CDH13: variants seen among roughly 807,000 people sequenced by gnomAD.
The protein encoded by CDH13 is cadherin-13.
A neutral mutation model predicts 63.8 loss-of-function variants in CDH13; 24 were observed. That is an observed-to-expected ratio of 0.38 (90% CI 0.27 to 0.53). The LOEUF is 0.53. CDH13 is among the 20% of genes least tolerant of loss of function. CDH13 has a pLI of 0.85. For synonymous variants in CDH13, 503 were observed against 355.3 expected (o/e 1.42, Z -4.67); for missense variants, 1,049 against 903.1 (o/e 1.16, Z -2.07).
In CDH13 at chr16:83,363,352, A is replaced by C. The variant is rs532895961; in HGVS notation, c.781+18346A>C. On this transcript the variant is annotated intron_variant, in intron 6 of 13. Transcript: ENST00000567109. ...AAGCAGTATTTAAATATGTGTAAGC[A>C]CATATGTGAGTATGCATGTGTGCAA... Among the ~76,000 whole-genome samples the C allele has an allele frequency of 5.9e-5, 9 of 152,312 alleles. No individual in the cohort carries two copies. In the East Asian group the frequency reaches 1.4e-3, roughly 23 times the overall value.
At chr16:82,801,310 C>G (rs1230404462) in intron 1 of CDH13, among the ~76,000 whole-genome samples, 1 of 152,208 alleles carries the variant, frequency 6.6e-6, no homozygotes, top group African/African-American at 2.4e-5. Flanking sequence ...GAATCATTGT[C>G]CCCTTTGAAG....
At chr16:83,590,013 A>G (rs116034291) in intron 7 of CDH13, among the ~76,000 whole-genome samples, 1 of 152,186 alleles carries the variant, frequency 6.6e-6, no homozygotes, top group African/African-American at 2.4e-5. Context: ...CGGAGGAGTG[A>G]AAAAGCCTAA....
At chr16:83,620,014 C>A (rs113179157) in intron 8 of CDH13, among the ~76,000 whole-genome samples, 1 of 150,254 alleles carries the variant, frequency 6.7e-6, no homozygotes, top group Admixed American at 6.7e-5. Context: ...CTGGAGAGGG[C>A]GGGAGGGGCC....
intron 2 of CDH13, among the ~76,000 whole-genome samples, chr16:82,898,755 A>G (rs1472470168): frequency 6.6e-6 from 1 of 152,114 alleles, no homozygotes; most frequent in African/African-American, 2.4e-5. Context: ...TGAATGATGG[A>G]AGGGTGGAGT....
intron 7 of CDH13, among the ~76,000 whole-genome samples, chr16:83,569,658 T>C (rs762168522): frequency 8.5e-4 from 130 of 152,164 alleles, no homozygotes; most frequent in Non-Finnish European, 1.5e-3. Flanking sequence ...CACAAAGACA[T>C]AGGACATGGA....
chr16:83,727,918 A>G (rs984403193), intron 10 of CDH13, among the ~76,000 whole-genome samples: 32 of 152,244 alleles, frequency 2.1e-4, no homozygotes, highest in Non-Finnish European at 5.9e-5. Context: ...AGCTTTTGGG[A>G]TTCAAGGGTT....
At chr16:82,705,371 T>C (rs902822964) in intron 1 of CDH13, 1 of 306,598 alleles carries the variant, frequency 3.3e-6, no homozygotes, top group Non-Finnish European at 6.4e-6. Context: ...TTCAATACGC[T>C]AATACAGTGT....
intron 7 of CDH13, among the ~76,000 whole-genome samples, chr16:83,538,776 A>G (rs57672110): frequency 0.15 from 23,567 of 152,214 alleles, 2,325 homozygotes; most frequent in African/African-American, 0.29. Context: ...TTTTAAAGAC[A>G]TATTAAACTG....
At chr16:83,550,530 C>G (rs1277108696) in intron 7 of CDH13, among the ~76,000 whole-genome samples, 1 of 152,160 alleles carries the variant, frequency 6.6e-6, no homozygotes, top group Non-Finnish European at 1.5e-5. Flanking sequence ...TGGCAAATTC[C>G]GCTCATAATG....
intron 6 of CDH13, among the ~76,000 whole-genome samples, chr16:83,408,494 A>C (rs1462285844): frequency 6.6e-6 from 1 of 152,210 alleles, no homozygotes. Context: ...ACTGTAAACA[A>C]TTATAACACA....
At chr16:83,211,776 G>A (rs960225928) in intron 4 of CDH13, among the ~76,000 whole-genome samples, 3 of 151,804 alleles carry the variant, frequency 2.0e-5, no homozygotes, top group Non-Finnish European at 4.4e-5. Flanking sequence ...CAAACAGCCA[G>A]CCAGGAAGTC....
At chr16:82,789,808 C>G (rs1347896227) in intron 1 of CDH13, among the ~76,000 whole-genome samples, 1 of 152,180 alleles carries the variant, frequency 6.6e-6, no homozygotes, top group Non-Finnish European at 1.5e-5. Flanking sequence ...GCCTTCATGT[C>G]TCAGGTCCCA....
At chr16:83,250,603 C>T (rs952373547) in intron 5 of CDH13, among the ~76,000 whole-genome samples, 2 of 152,086 alleles carry the variant, frequency 1.3e-5, no homozygotes, top group African/African-American at 4.8e-5. Context: ...AGTTTGGAGA[C>T]TCCAGCAACC....
At chr16:83,091,654 T>A (rs1473413640) in intron 3 of CDH13, among the ~76,000 whole-genome samples, 2 of 152,264 alleles carry the variant, frequency 1.3e-5, no homozygotes, top group African/African-American at 2.4e-5. Context: ...ATATATTGTA[T>A]ATTTTATAAA....
chr16:82,725,023 G>A (rs1375662285), intron 1 of CDH13, among the ~76,000 whole-genome samples: 1 of 152,116 alleles, frequency 6.6e-6, no homozygotes, highest in Non-Finnish European at 1.5e-5. Flanking sequence ...ATAGGGCTTG[G>A]CAATACTAAG....
At chr16:83,024,968 G>A (rs1915664789) in intron 2 of CDH13, among the ~76,000 whole-genome samples, 1 of 152,130 alleles carries the variant, frequency 6.6e-6, no homozygotes, top group Non-Finnish European at 1.5e-5. Flanking sequence ...GATGCCTGTA[G>A]TAACCATTTC....
intron 2 of CDH13, among the ~76,000 whole-genome samples, chr16:82,997,998 G>A (rs997880456): frequency 1.8e-4 from 28 of 152,262 alleles, no homozygotes; most frequent in African/African-American, 6.7e-4. Flanking sequence ...TATCAGTGTT[G>A]TATTTCATAA....
At chr16:83,390,595 A>C (rs937039770) in intron 6 of CDH13, among the ~76,000 whole-genome samples, 1 of 152,062 alleles carries the variant, frequency 6.6e-6, no homozygotes, top group African/African-American at 2.4e-5. Context: ...TATTATCAAC[A>C]AGAATATGCC....
At chr16:83,342,192 A>G (rs937728510) in intron 5 of CDH13, among the ~76,000 whole-genome samples, 2 of 152,214 alleles carry the variant, frequency 1.3e-5, no homozygotes, top group African/African-American at 2.4e-5. Flanking sequence ...TGCAATAGCC[A>G]TATGTGGCTA....
Sources: allele counts gnomAD v4.1 joint callset (sites outside exome capture counted in the v4.1 genomes callset), GRCh38; gene constraint gnomAD v4.1.1; transcripts MANE v1.5; gene names NCBI Gene and HGNC (gene_info 2026-07-23, HGNC 2026-07-21).